Variants in EPHA3 observed in about 807,000 individuals in gnomAD.
EPHA3 encodes the protein ephrin type-A receptor 3.
A neutral mutation model predicts 107.1 loss-of-function variants in EPHA3; 42 were observed. The ratio of observed to expected loss-of-function variants is 0.39; its 90% confidence interval spans 0.31 to 0.51. EPHA3 has a LOEUF of 0.51. Among genes scored for constraint, EPHA3 ranks in the 20% least tolerant of loss-of-function variants. The pLI, the probability that EPHA3 is intolerant of heterozygous loss-of-function variation, is 0.78. For missense variants in EPHA3, 1,183 were observed against 1,211.2 expected, an observed-to-expected ratio of 0.98 and a Z score of 0.35; for synonymous variants, 461 against 424.8, an observed-to-expected ratio of 1.09 and a Z score of -1.05.
chr3:89,240,720 CTAACT>C (rs1444946282), intron 3 of EPHA3, among the ~76,000 whole-genome samples: 6 of 151,610 alleles, frequency 4.0e-5, no homozygotes, highest in Admixed American at 3.9e-4. Flanking sequence ...TTTTGTCTAT[CTAACT>C]AAACTATAGA....
chr3:89,197,384 A>T (rs1451065409), intron 2 of EPHA3, among the ~76,000 whole-genome samples: 1 of 151,412 alleles, frequency 6.6e-6, no homozygotes, highest in East Asian at 1.9e-4. Context: ...GAGGCTTAAC[A>T]TACTGCCTGG....
At chr3:89,157,825 T>C (rs1414533668) in intron 2 of EPHA3, among the ~76,000 whole-genome samples, 1 of 148,528 alleles carries the variant, frequency 6.7e-6, no homozygotes. Context: ...AACACTAATA[T>C]ATACAGTGTA....
chr3:89,125,081 A>ATCT, intron 1 of EPHA3, among the ~76,000 whole-genome samples: 1 of 151,990 alleles, frequency 6.6e-6, no homozygotes, highest in East Asian at 1.9e-4. Context: ...TAATAACCAT[A>ATCT]TCTTCTTCTT....
At chr3:89,345,057 T>C (rs1295161944) in intron 5 of EPHA3, among the ~76,000 whole-genome samples, 2 of 151,212 alleles carry the variant, frequency 1.3e-5, no homozygotes, top group South Asian at 4.2e-4. Context: ...ACAGAATGAG[T>C]ATATTCATCT....
chr3:89,390,760 C>T (rs1298061213), intron 5 of EPHA3, among the ~76,000 whole-genome samples: 9 of 149,058 alleles, frequency 6.0e-5, no homozygotes, highest in Non-Finnish European at 1.2e-4. Context: ...AAAGTTATGT[C>T]TTCTTGGAAG....
intron 1 of EPHA3, among the ~76,000 whole-genome samples, chr3:89,116,954 C>T (rs1248434821): frequency 1.3e-5 from 2 of 151,726 alleles, no homozygotes; most frequent in Non-Finnish European, 2.9e-5. Flanking sequence ...TTTGGGTTTT[C>T]AGAACTCTCT....
At chr3:89,237,821 T>A (rs1248006868) in intron 3 of EPHA3, among the ~76,000 whole-genome samples, 2 of 151,680 alleles carry the variant, frequency 1.3e-5, no homozygotes, top group African/African-American at 4.8e-5. Flanking sequence ...AAACAAAATT[T>A]AAAAAAAATT....
At chr3:89,209,019 G>C (rs772608679) in intron 2 of EPHA3, among the ~76,000 whole-genome samples, 7 of 152,136 alleles carry the variant, frequency 4.6e-5, no homozygotes, top group Non-Finnish European at 1.0e-4. Flanking sequence ...TAAGTTAAAA[G>C]CTTCTCAAAA....
At chr3:89,223,596 G>T (rs1704433775) in intron 3 of EPHA3, among the ~76,000 whole-genome samples, 2 of 152,110 alleles carry the variant, frequency 1.3e-5, no homozygotes, top group Admixed American at 6.5e-5. Flanking sequence ...TACCCAGCAG[G>T]GTTGGTGGGA....
intron 5 of EPHA3, among the ~76,000 whole-genome samples, chr3:89,345,032 T>C (rs1707610969): frequency 1.3e-5 from 2 of 151,482 alleles, no homozygotes; most frequent in South Asian, 2.1e-4. Flanking sequence ...AAATTGCTGC[T>C]TTTTGTTTTC....
intron 5 of EPHA3, among the ~76,000 whole-genome samples, chr3:89,372,988 C>A (rs1389460536): frequency 6.6e-6 from 1 of 151,506 alleles, no homozygotes; most frequent in Non-Finnish European, 1.5e-5. Flanking sequence ...AATATGTGAC[C>A]CTTCCAAATA....
chr3:89,408,700 G>A (rs1298075193), intron 9 of EPHA3, among the ~76,000 whole-genome samples: 1 of 151,942 alleles, frequency 6.6e-6, no homozygotes, highest in Non-Finnish European at 1.5e-5. Context: ...GAAACAAAGT[G>A]TTTACAACTA....
chr3:89,313,745 G>C (rs1244959713), intron 3 of EPHA3, among the ~76,000 whole-genome samples: 1 of 151,800 alleles, frequency 6.6e-6, no homozygotes, highest in African/African-American at 2.4e-5. Context: ...TTTGAAAAGA[G>C]ATATATTAGT....
intron 5 of EPHA3, 127 bp from the exon 6 acceptor site, chr3:89,395,710 T>G (rs1708834975): frequency 8.4e-7 from 1 of 1,184,426 alleles, no homozygotes; most frequent in African/African-American, 1.5e-5. Context: ...AGTGCTTTCT[T>G]GCCAAAAAAC....
chr3:89,288,404 C>G (rs1706139321), intron 3 of EPHA3, among the ~76,000 whole-genome samples: 1 of 152,066 alleles, frequency 6.6e-6, no homozygotes, highest in African/African-American at 2.4e-5. Context: ...ATAGCCACTT[C>G]TATAGACTTC....
At chr3:89,211,436 G>C (rs1380051362) in intron 3 of EPHA3, among the ~76,000 whole-genome samples, 1 of 151,978 alleles carries the variant, frequency 6.6e-6, no homozygotes, top group Admixed American at 6.6e-5. Flanking sequence ...GAGAAGTTAA[G>C]TATATTGTCC....
At chr3:89,263,143 C>A (rs141183639) in intron 3 of EPHA3, among the ~76,000 whole-genome samples, 3,676 of 151,912 alleles carry the variant, frequency 0.024, 67 homozygotes, top group Non-Finnish European at 0.041. Flanking sequence ...CCTGACAGGC[C>A]CCATGCGTGA....
rs147661182 is a variant in EPHA3, at chr3:89,131,779, A to T, written c.153+4506A>T. ...AATTGTGGAATTAAAGTTTCTTTAG[A>T]TATTTATTGATGTCTTAGCGGTGAA... On this transcript the variant is annotated intron_variant, in intron 2 of 16. Transcript: ENST00000336596. Among the ~76,000 whole-genome samples, 538 of 152,342 alleles carry T rather than the reference A, an allele frequency of 3.5e-3. 4 individuals are homozygous for T. The highest frequency in any genetic ancestry group is 0.012 in the African/African-American group (510 of 41,586).
Position 89,193,095 on chromosome 3 carries a change from G to A in EPHA3, c.154-16765G>A, listed in dbSNP as rs184994402. Among the ~76,000 whole-genome samples, 851 of 152,060 alleles carry A rather than the reference G, an allele frequency of 5.6e-3. 7 individuals are homozygous for A. Among genetic ancestry groups the A allele is most frequent in the Non-Finnish European group, 7.6e-3 (514 of 67,912 alleles). On this transcript the variant is annotated intron_variant, in intron 2 of 16. Transcript: ENST00000336596. The stretch of plus-strand genomic sequence containing the variant: ...GTAAATAGAGGTATAATTGCATAAC[G>A]TTGTAGTTTACATAAATATAATATT...
Sources: allele counts gnomAD v4.1 joint callset (sites outside exome capture counted in the v4.1 genomes callset), GRCh38; gene constraint gnomAD v4.1.1; transcripts MANE v1.5; gene names NCBI Gene and HGNC (gene_info 2026-07-23, HGNC 2026-07-21).